Variants in ZNF10 observed in about 807,000 individuals in gnomAD.
ZNF10 encodes the protein zinc finger protein 10, also known as zinc finger protein 10 (KOX 1).
Under a neutral mutation model 12.2 loss-of-function variants are expected in ZNF10, and 8 were observed. The ratio of observed to expected loss-of-function variants is 0.66; its 90% CI spans 0.39 to 1.18. The LOEUF is 1.18. ZNF10 is among the 50% of genes most tolerant of loss of function. ZNF10 has a pLI of 0.01. For synonymous variants in ZNF10, 229 were observed against 228.2 expected (o/e 1.00, Z -0.03); for missense variants, 603 against 678.9 (o/e 0.89, Z 1.24).
chr12:133,142,918 A>T (rs1955954749), intron 1 of ZNF10, among the ~76,000 whole-genome samples: 1 of 152,226 alleles, frequency 6.6e-6, no homozygotes, highest in South Asian at 2.1e-4. Context: ...AGTGTTATTC[A>T]TAATAACCAA....
chr12:133,153,908 A>G (rs986995606), intron 4 of ZNF10, among the ~76,000 whole-genome samples: 4 of 152,020 alleles, frequency 2.6e-5, no homozygotes, highest in Non-Finnish European at 5.9e-5. Flanking sequence ...TTGTGGATAT[A>G]TCATTCCAGT....
intron 1 of ZNF10, among the ~76,000 whole-genome samples, chr12:133,142,054 C>T (rs1172252905): frequency 1.3e-5 from 2 of 152,118 alleles, no homozygotes; most frequent in Non-Finnish European, 1.5e-5. Flanking sequence ...AAAAAAATAA[C>T]TGTCTACCTA....
At chr12:133,145,974 C>T (rs892986527) in intron 2 of ZNF10, among the ~76,000 whole-genome samples, 1 of 152,102 alleles carries the variant, frequency 6.6e-6, no homozygotes, top group Non-Finnish European at 1.5e-5. Context: ...AGTAAAAGTG[C>T]AATGTATTAC....
intron 2 of ZNF10, 81 bp downstream of exon 2, chr12:133,144,606 T>C (rs1955965260): frequency 1.5e-6 from 2 of 1,376,706 alleles, no homozygotes; most frequent in African/African-American, 2.9e-5. Context: ...TCAGAAATTA[T>C]ATCTTCTTCT....
chr12:133,140,441 T>C (rs1301684708), intron 1 of ZNF10, among the ~76,000 whole-genome samples: 1 of 144,532 alleles, frequency 6.9e-6, no homozygotes, highest in Non-Finnish European at 1.6e-5. Context: ...TTTTTTTTTT[T>C]TTTTTAAATA....
chr12:133,151,083 T>C lies in ZNF10; in HGVS notation c.89T>C (p.Leu30Pro). The C allele has an allele frequency of 1.2e-6, 2 of 1,613,944 alleles. No homozygotes were observed. Among genetic ancestry groups the C allele is most frequent in the Non-Finnish European group, 1.7e-6 (2 of 1,179,846 alleles). ...FVDFTREEWK[L>P]LDTAQQIVYR... ...GACTTCACCAGGGAGGAGTGGAAGC[T>C]GCTGGACACTGCTCAGCAGATCGTG... Residue 30 changes from leucine (L) to proline (P), a missense_variant, in exon 3 of 5, where the codon CTG becomes CCG. Leu to Pro is a moderately conservative substitution (Grantham distance 98, BLOSUM62 -3). Around this residue, in one of 3 missense-constraint regions of ZNF10, gnomAD observed 393 missense variants for 399.7 expected, o/e 0.98. Coordinates refer to ENST00000248211, the MANE Select transcript of ZNF10 (RefSeq NM_015394.5).
intron 4 of ZNF10, among the ~76,000 whole-genome samples, chr12:133,153,644 G>A (rs1038369296): frequency 6.6e-6 from 1 of 152,150 alleles, no homozygotes; most frequent in Non-Finnish European, 1.5e-5. Flanking sequence ...AGGACTGGTC[G>A]GGGTGGGATT....
rs764927802 is a variant in ZNF10, at chr12:133,151,162, T to C, written c.160+8T>C. 1.9e-6 allele frequency: 3 copies of C among 1,607,324 alleles called. No individual in the cohort carries two copies. The highest frequency in any genetic ancestry group is 1.1e-5 in the South Asian group (1 of 90,356). On this transcript the variant is annotated splice_region_variant and intron_variant, in intron 3 of 4. Coordinates refer to ENST00000248211, the MANE Select transcript of ZNF10 (RefSeq NM_015394.5). ...AGAACCTGGTTTCCTTGGGTAAGAC[T>C]AGCTCTGTTTTTGAAGATTTTGGTT... is the stretch of plus-strand genomic sequence containing the variant.
intron 1 of ZNF10, among the ~76,000 whole-genome samples, chr12:133,141,260 A>G (rs955256521): frequency 6.6e-6 from 1 of 152,234 alleles, no homozygotes; most frequent in Non-Finnish European, 1.5e-5. Flanking sequence ...AACAAAGCTT[A>G]AGGAAATTTA....
chr12:133,134,000 A>G (rs1955895569), intron 1 of ZNF10, among the ~76,000 whole-genome samples: 1 of 152,096 alleles, frequency 6.6e-6, no homozygotes, highest in Non-Finnish European at 1.5e-5. Flanking sequence ...GGGTCCTTAA[A>G]AGTAAAAGAG....
At chr12:133,148,855 C>T (rs553569239) in intron 2 of ZNF10, among the ~76,000 whole-genome samples, 2 of 149,336 alleles carry the variant, frequency 1.3e-5, no homozygotes, top group Admixed American at 6.7e-5. Context: ...TGTGTTCAAG[C>T]GATTCTCCTG....
intron 1 of ZNF10, among the ~76,000 whole-genome samples, chr12:133,134,261 C>T (rs983830490): frequency 4.0e-5 from 6 of 151,516 alleles, no homozygotes; most frequent in African/African-American, 1.5e-4. Flanking sequence ...TGCAATGAGC[C>T]GAGATTGCTT....
chr12:133,149,904 A>G lies in ZNF10; in HGVS notation c.34-1124A>G, dbSNP rs552638704. On this transcript the variant is annotated intron_variant, in intron 2 of 4. Transcript: ENST00000248211. ...TTTTGTATTTTTTAATACTTGCTGT[A>G]GGGATTAGAATATACATATCTAATC... 6.6e-5 allele frequency among the ~76,000 whole-genome samples: 10 copies of G among 152,186 alleles called. No homozygotes were observed. In the South Asian group the frequency reaches 2.1e-3, roughly 32 times the overall value.
chr12:133,149,291 C>T (rs1018943619), intron 2 of ZNF10, among the ~76,000 whole-genome samples: 3 of 150,446 alleles, frequency 2.0e-5, no homozygotes, highest in Middle Eastern at 3.5e-3. Context: ...ACAGGATCTC[C>T]CTATGTTGTC....
intron 4 of ZNF10, among the ~76,000 whole-genome samples, 200 bp downstream of exon 4, chr12:133,152,104 G>A (rs974573432): frequency 6.6e-6 from 1 of 152,186 alleles, no homozygotes; most frequent in South Asian, 2.1e-4. Context: ...GTCTGTTGAC[G>A]TGCTTGGTTT....
At position 133,131,481 on chromosome 12, in the gene ZNF10, TA is replaced by T. The variant is rs892558810; in HGVS notation, c.-60+739del. ...TTAATTGCAGAAAGATACTGTTAATTAAAAAAAAAAAAGTAAAAGGGAAGGC... is the reference window on the plus strand; with the variant it reads ...TTAATTGCAGAAAGATACTGTTAATTAAAAAAAAAAAGTAAAAGGGAAGGC... On this transcript the variant is annotated intron_variant, in intron 1 of 4. Coordinates refer to ENST00000248211, the MANE Select transcript of ZNF10 (RefSeq NM_015394.5). Among the ~76,000 whole-genome samples the T allele has an allele frequency of 3.6e-3, 523 of 143,614 alleles. 7 individuals carry two copies. The highest frequency in any genetic ancestry group is 5.9e-3 in the African/African-American group (233 of 39,470). 94.2% of individuals were successfully genotyped at this position (143,614 alleles called of 152,430 possible).
chr12:133,155,641 G>A lies in ZNF10; in HGVS notation c.395G>A (p.Cys132Tyr), dbSNP rs1956034687. The A allele has an allele frequency of 1.2e-6, 2 of 1,613,914 alleles. No individual in the cohort carries two copies. Among genetic ancestry groups the A allele is most frequent in the South Asian group, 2.2e-5 (2 of 91,060 alleles). The part of the protein sequence containing the change: ...WYLSLEEVWK[C>Y]RDQLDKYQEN... Reference sequence around the variant, plus strand: ...TTGTCATTAGAAGAAGTCTGGAAATGTAGAGACCAGTTAGACAAGTATCAG... The same window carrying A: ...TTGTCATTAGAAGAAGTCTGGAAATATAGAGACCAGTTAGACAAGTATCAG... The change falls in exon 5 of 5, where the codon TGT (cysteine) becomes TAT (tyrosine). Residue 132 changes from cysteine to tyrosine, a missense_variant. Cys to Tyr is a radical substitution (Grantham distance 194). This residue lies in a region of ZNF10 where 393 missense variants were observed against 399.7 expected (regional missense o/e 0.98). Transcript: ENST00000248211.
chr12:133,146,417 A>T (rs1052046381), intron 2 of ZNF10, among the ~76,000 whole-genome samples: 29 of 152,192 alleles, frequency 1.9e-4, no homozygotes, highest in African/African-American at 7.0e-4. Context: ...AGGAGAGAAG[A>T]TATCCAGCAT....
intron 2 of ZNF10, among the ~76,000 whole-genome samples, chr12:133,149,345 G>A (rs528567510): frequency 7.6e-6 from 1 of 130,974 alleles, no homozygotes; most frequent in South Asian, 2.5e-4. Flanking sequence ...TGTGGTTTTT[G>A]CTATTGCTTT....
Sources: allele counts gnomAD v4.1 joint callset (sites outside exome capture counted in the v4.1 genomes callset), GRCh38; gene constraint gnomAD v4.1.1; regional missense constraint gnomAD v4.1.1; transcripts MANE v1.5; gene names NCBI Gene and HGNC (gene_info 2026-07-23, HGNC 2026-07-21).